Variants in SYF2 observed in about 807,000 individuals in gnomAD.
SYF2 encodes the protein pre-mRNA-splicing factor SYF2.
SYF2 carries 21 observed loss-of-function variants against 32.7 expected under a neutral mutation model. That is an observed-to-expected ratio of 0.64 (90% CI 0.45 to 0.92). The LOEUF is 0.92. SYF2 is among the 40% of genes least tolerant of loss of function. The pLI, the probability that SYF2 is intolerant of heterozygous loss-of-function variation, is 0.00. For missense variants in SYF2, 278 were observed against 296.5 expected (o/e 0.94, Z 0.46); for synonymous variants, 114 against 103.9 (o/e 1.10, Z -0.59).
chr1:25,230,184 C>T (rs1638598727), intron 2 of SYF2: 1 of 152,130 alleles, frequency 6.6e-6, no homozygotes, highest in African/African-American at 2.4e-5. Flanking sequence ...TAAAACCTAT[C>T]TTAATGCCTC....
chr1:25,223,721 G>A lies in SYF2; in HGVS notation c.567-290C>T, dbSNP rs571051718. On this transcript the variant is annotated intron_variant, in intron 6 of 6. Coordinates refer to ENST00000236273, the MANE Select transcript of SYF2 (RefSeq NM_015484.5). ...AGATAACTATTGGCTGGGCATGGCG[G>A]CTGTAATCCCATGCCTGTAATCCCA... is the stretch of plus-strand genomic sequence containing the variant. Among the ~76,000 whole-genome samples, 15 of 152,248 alleles carry A rather than the reference G, an allele frequency of 9.9e-5. No individual in the cohort carries two copies. The South Asian group carries it at 3.1e-3, about 32-fold the overall frequency.
intron 2 of SYF2, chr1:25,230,538 C>T (rs1312664583): frequency 6.6e-6 from 1 of 152,130 alleles, no homozygotes; most frequent in Non-Finnish European, 1.5e-5. Flanking sequence ...AACTTTCCCT[C>T]GGCAAAGAGA....
At chr1:25,224,282 G>T (rs184674101) in intron 6 of SYF2, among the ~76,000 whole-genome samples, 529 of 151,918 alleles carry the variant, frequency 3.5e-3, no homozygotes, top group Non-Finnish European at 6.0e-3. Flanking sequence ...CTGAGACAGG[G>T]TCTCGCTCTG....
chr1:25,226,834 A>G lies in SYF2; in HGVS notation c.467+608T>C, dbSNP rs74905147. On this transcript the variant is annotated intron_variant, in intron 5 of 6. Transcript: ENST00000236273. ...CCCCGTCTCCACAAAAAAATTAATTAGCCAGGAATCGTGGCACATGTCTGT... is the reference window on the plus strand; with the variant it reads ...CCCCGTCTCCACAAAAAAATTAATTGGCCAGGAATCGTGGCACATGTCTGT... Among the ~76,000 whole-genome samples the G allele has an allele frequency of 3.2e-3, 485 of 152,282 alleles. 3 individuals are homozygous for G. Among genetic ancestry groups the G allele is most frequent in the African/African-American group, 0.011 (455 of 41,560 alleles).
chr1:25,228,945 G>C (rs1638571421), intron 3 of SYF2, 53 bp downstream of exon 3: 2 of 1,583,560 alleles, frequency 1.3e-6, no homozygotes, highest in Middle Eastern at 1.9e-4. Flanking sequence ...GTAGTGTCTT[G>C]ATACAACAGA....
intron 3 of SYF2, among the ~76,000 whole-genome samples, chr1:25,228,545 T>C (rs1215930036): frequency 2.6e-5 from 4 of 152,124 alleles, no homozygotes; most frequent in Non-Finnish European, 2.9e-5. Flanking sequence ...ATGTTGGCCA[T>C]GCTGGTCTCA....
At chr1:25,225,504 G>A (rs1311094167) in intron 5 of SYF2, among the ~76,000 whole-genome samples, 1 of 151,052 alleles carries the variant, frequency 6.6e-6, no homozygotes, top group Non-Finnish European at 1.5e-5. Context: ...CTCCAGCTTG[G>A]GCGACAAAGT....
chr1:25,229,039 C>CT lies in SYF2; in HGVS notation c.216dup (p.Ala73SerfsTer24). 6.2e-7 allele frequency: 1 copy of CT among 1,613,992 alleles called. No individual in the cohort carries two copies. The highest frequency in any genetic ancestry group is 8.5e-7 in the Non-Finnish European group (1 of 1,179,992). Reference sequence around the variant, plus strand: ...TCCTTTAGTTCCCACTCCAAACGAGCTTTTTTGGCTTCCCAATTTGCAGGT... The same window carrying CT: ...TCCTTTAGTTCCCACTCCAAACGAGCTTTTTTTGGCTTCCCAATTTGCAGGT... On this transcript the variant is annotated frameshift_variant, in exon 3 of 7. Coordinates refer to ENST00000236273, the MANE Select transcript of SYF2 (RefSeq NM_015484.5). LOFTEE classifies it high-confidence loss of function.
At chr1:25,227,580 A>C (rs1274652944) in intron 4 of SYF2, 48 bp from the exon 5 acceptor site, 1 of 1,547,424 alleles carries the variant, frequency 6.5e-7, no homozygotes, top group Admixed American at 1.8e-5. Context: ...CCTTGTTTGG[A>C]CCTTCCTATT....
At chr1:25,229,822 CTT>C (rs912726470) in intron 2 of SYF2, among the ~76,000 whole-genome samples, 1 of 141,638 alleles carries the variant, frequency 7.1e-6, no homozygotes, top group African/African-American at 2.6e-5. Context: ...GACACTCTTT[CTT>C]TTTTTTTTTT....
In SYF2 at chr1:25,223,144, CTGAG is replaced by C. The variant is rs759496836; in HGVS notation, c.*118_*121del. On this transcript the variant is annotated 3_prime_UTR_variant, in exon 7 of 7. Transcript: ENST00000236273. ...GAAACCACATTTTTATTTCTAAATG[CTGAG>C]TGAGAAGGCATGGACTACTAAATTC... 9.7e-5 allele frequency: 81 copies of C among 838,198 alleles called. No homozygotes were observed. The highest frequency in any genetic ancestry group is 1.4e-4 in the Non-Finnish European group (78 of 553,222). 51.9% of individuals were successfully genotyped at this position (838,198 alleles called of 1,614,324 possible).
At chr1:25,229,217 T>G in intron 2 of SYF2, 94 bp from the exon 3 acceptor site, 1 of 1,434,058 alleles carries the variant, frequency 7.0e-7, no homozygotes, top group South Asian at 1.4e-5. Context: ...CAGGACATAT[T>G]AATAAGCTGA....
intron 4 of SYF2, 147 bp from the exon 5 acceptor site, chr1:25,227,679 A>G (rs1638540346): frequency 1.5e-6 from 1 of 688,088 alleles, no homozygotes; most frequent in Non-Finnish European, 2.4e-6. Flanking sequence ...CAGATTTTGG[A>G]ATATCTTTAT....
At position 25,232,181 on chromosome 1, in the gene SYF2, G is replaced by C. The variant is rs1638645094; in HGVS notation, c.55C>G (p.Leu19Val). The C allele has an allele frequency of 6.2e-7, 1 of 1,613,926 alleles. No individual in the cohort carries two copies. The highest frequency in any genetic ancestry group is 8.5e-7 in the Non-Finnish European group (1 of 1,180,012). The change falls in exon 2 of 7, where the codon CTC becomes GTC. Residue 19 changes from leucine to valine, a missense_variant. Transcript: ENST00000236273. ...VLVDSAEEGS[L>V]AAAAELAAQK... is the part of the protein sequence containing the mutation. ...GCGGCCAGCTCCGCCGCCGCAGCGA[G>C]GGACCCCTCCTCCGCGCTGTCCACC...
rs767307147 is a variant in SYF2 at position 25,232,195 on chromosome 1, G to A, written c.41C>T (p.Ala14Val). 2 of 1,613,494 alleles carry A rather than the reference G, an allele frequency of 1.2e-6. No individual in the cohort carries two copies. Among genetic ancestry groups the A allele is most frequent in the East Asian group, 2.2e-5 (1 of 44,896 alleles). ...IAASEVLVDSAEEGSLAAAAE... is the reference protein window; with the variant it reads ...IAASEVLVDSVEEGSLAAAAE... ...CGCCGCAGCGAGGGACCCCTCCTCC[G>A]CGCTGTCCACCAGCACCTGCGACAA... The change falls in exon 2 of 7, where the codon GCG becomes GTG. Residue 14 changes from alanine to valine, a missense_variant. Transcript: ENST00000236273.
At chr1:25,232,375 A>C in intron 1 of SYF2, 69 bp downstream of exon 1, 1 of 1,612,380 alleles carries the variant, frequency 6.2e-7, no homozygotes, top group Non-Finnish European at 8.5e-7. Context: ...CTTCGCCTCC[A>C]CCTCTCTCCA....
intron 6 of SYF2, 126 bp from the exon 7 acceptor site, chr1:25,223,557 G>A (rs1638448924): frequency 1.1e-6 from 1 of 901,076 alleles, no homozygotes; most frequent in Non-Finnish European, 1.7e-6. Context: ...AGGAAGCCAG[G>A]AGAGTTTTCA....
intron 5 of SYF2, 104 bp downstream of exon 5, chr1:25,227,335 TTAA>T: frequency 1.1e-6 from 1 of 923,046 alleles, no homozygotes; most frequent in South Asian, 1.8e-5. Context: ...TAGACAACTA[TTAA>T]TAACCCATAC....
intron 2 of SYF2, 128 bp from the exon 3 acceptor site, chr1:25,229,251 A>T: frequency 8.8e-7 from 1 of 1,135,166 alleles, no homozygotes; most frequent in East Asian, 2.5e-5. Flanking sequence ...TAAAAGCAAT[A>T]GAGAGCCATC....
Sources: gnomAD v4.1 joint callset for allele counts (sites outside exome capture counted in the v4.1 genomes callset) on GRCh38, gnomAD v4.1.1 for gene constraint, MANE v1.5 for transcripts, NCBI Gene and HGNC (gene_info 2026-07-23, HGNC 2026-07-21) for gene names.